The following ALG11 variants were observed in gnomAD, a reference collection of about 807,000 sequenced individuals.
ALG11 encodes the protein GDP-Man:Man(3)GlcNAc(2)-PP-Dol alpha-1,2-mannosyltransferase.
In ALG11, 26 loss-of-function variants were observed where a neutral mutation model predicts 38.8. The observed-to-expected ratio is 0.67, with a 90% CI of 0.49 to 0.93. The LOEUF is 0.93. ALG11 is among the 40% of genes least tolerant of loss of function. The pLI is 0.00. For missense variants in ALG11, 535 were observed against 578.8 expected (o/e 0.92, Z 0.78); for synonymous variants, 199 against 211.6 (o/e 0.94, Z 0.52).
At chr13:52,023,893 C>A in intron 2 of ALG11, 113 bp from the exon 3 acceptor site, 3 of 858,618 alleles carry the variant, frequency 3.5e-6, no homozygotes, top group Non-Finnish European at 3.6e-6. Context: ...CTCCTGGGTT[C>A]AAGCGATTCT....
chr13:52,031,341 C>A lies in ALG11; in HGVS notation c.*2751C>A. On this transcript the variant is annotated 3_prime_UTR_variant, in exon 4 of 4. Transcript: ENST00000521508. The stretch of plus-strand genomic sequence containing the variant: ...AAATTCTAAACAATACAGTGGATGA[C>A]CCTTTTGAATATACCTAATGATTTC... 1.7e-6 allele frequency: 1 copy of A among 588,842 alleles called. No homozygotes were observed. The highest frequency in any genetic ancestry group is 2.9e-6 in the Non-Finnish European group (1 of 347,836). 36.5% of individuals were successfully genotyped at this position (588,842 alleles called of 1,614,324 possible). A position where few individuals can be genotyped will look rare whatever the true frequency, so the allele number is the denominator to read the frequency against.
chr13:52,027,776 T>G (rs1276508801), intron 3 of ALG11, among the ~76,000 whole-genome samples: 1 of 152,266 alleles, frequency 6.6e-6, no homozygotes, highest in East Asian at 1.9e-4. Context: ...ATTCACTTTT[T>G]TATTTTTTCT....
Position 52,029,277 on chromosome 13 carries a change from T to C in ALG11, c.*687T>C, listed in dbSNP as rs1346698194. 2 of 1,614,204 alleles carry C rather than the reference T, an allele frequency of 1.2e-6. No homozygotes were observed. The highest frequency in any genetic ancestry group is 4.5e-5 in the East Asian group (2 of 44,880). On this transcript the variant is annotated 3_prime_UTR_variant, in exon 4 of 4. Transcript: ENST00000521508. The stretch of plus-strand genomic sequence containing the variant: ...AACCAGCAGGCAGAGCAGCTGGTTT[T>C]TCCCCTGGGGAAGGAGCAGCCAGCC...
chr13:52,019,216 C>CTTTTTTT (rs767701891), intron 2 of ALG11, 73 bp downstream of exon 2: 39 of 447,502 alleles, frequency 8.7e-5, no homozygotes, highest in East Asian at 2.3e-4. Flanking sequence ...AGAAATTCAT[C>CTTTTTTT]TTTTTTTTTT....
chr13:52,029,782 G>T lies in ALG11; in HGVS notation c.*1192G>T, dbSNP rs140297533. The T allele has an allele frequency of 3.1e-6, 5 of 1,614,034 alleles. No homozygotes were observed. The highest frequency in any genetic ancestry group is 4.2e-6 in the Non-Finnish European group (5 of 1,180,044). ...CTCGCCAAGCTATGCAGGAACAGTT[G>T]GCCAAGAACAAAGAACTGACACAGA... On this transcript the variant is annotated 3_prime_UTR_variant, in exon 4 of 4. Coordinates refer to ENST00000521508, the MANE Select transcript of ALG11 (RefSeq NM_001004127.3).
rs760676899 is a variant in ALG11, at chr13:52,029,597, A to G, written c.*1007A>G. The G allele has an allele frequency of 6.2e-7, 1 of 1,614,266 alleles. No individual in the cohort carries two copies. Among genetic ancestry groups the G allele is most frequent in the East Asian group, 2.2e-5 (1 of 44,882 alleles). ...GAAAGGAAAGGCCAAGAAAGCCTTA[A>G]AAGAGTTTGAGCAGCTACAGAAGGT... is the stretch of plus-strand genomic sequence containing the variant. On this transcript the variant is annotated 3_prime_UTR_variant, in exon 4 of 4. Transcript: ENST00000521508.
chr13:52,031,358 AATG>A lies in ALG11; in HGVS notation c.*2771_*2773del, dbSNP rs755281742. ...GTGGATGACCCTTTTGAATATACCT[AATG>A]ATTTCCTTAAAAAAGAAATTTTAAA... On this transcript the variant is annotated 3_prime_UTR_variant, in exon 4 of 4. Coordinates refer to ENST00000521508, the MANE Select transcript of ALG11 (RefSeq NM_001004127.3). 4 of 508,848 alleles carry A rather than the reference AATG, an allele frequency of 7.9e-6. No homozygotes were observed. The highest frequency in any genetic ancestry group is 3.9e-5 in the South Asian group (1 of 25,502). 31.5% of individuals were successfully genotyped at this position (508,848 alleles called of 1,614,324 possible). A position where few individuals can be genotyped will look rare whatever the true frequency, so the allele number is the denominator to read the frequency against.
In ALG11 at chr13:52,024,205, C is replaced by T. The variant is rs2140839121; in HGVS notation, c.475C>T (p.Leu159Phe). The T allele has an allele frequency of 6.2e-7, 1 of 1,614,104 alleles. No individual in the cohort carries two copies. Among genetic ancestry groups the T allele is most frequent in the Non-Finnish European group, 8.5e-7 (1 of 1,180,010 alleles). The change falls in exon 3 of 4, where the codon CTT (leucine) becomes TTT (phenylalanine). Residue 159 changes from leucine to phenylalanine, a missense_variant. Physicochemically the swap from Leu to Phe is conservative, Grantham distance 22 (BLOSUM62 0). Transcript: ENST00000521508. The part of the protein sequence containing the change: ...LLGQSLGSIF[L>F]GWEALMQCVP... ...GGGCCAAAGTCTAGGATCCATTTTTCTTGGCTGGGAAGCTCTAATGCAGTG... is the reference window on the plus strand; with the variant it reads ...GGGCCAAAGTCTAGGATCCATTTTTTTTGGCTGGGAAGCTCTAATGCAGTG...
chr13:52,033,441 A>T lies in ALG11; in HGVS notation c.*4851A>T, dbSNP rs1403222575. ...GATACAAAGTCTGTGTCTAAATATT[A>T]TTTAAAGAAGTGATTTTTCATTCTC... On this transcript the variant is annotated 3_prime_UTR_variant, in exon 4 of 4. Coordinates refer to ENST00000521508, the MANE Select transcript of ALG11 (RefSeq NM_001004127.3). 1 of 167,094 alleles carries T rather than the reference A, an allele frequency of 6.0e-6. No homozygotes were observed. Among genetic ancestry groups the T allele is most frequent in the Non-Finnish European group, 1.5e-5 (1 of 68,110 alleles). The allele number at this position is 167,094 out of a possible 1,614,324, so 10.4% of individuals were successfully genotyped here. A position where few individuals can be genotyped will look rare whatever the true frequency, so the allele number is the denominator to read the frequency against.
chr13:52,018,387 C>T (rs547827606), intron 1 of ALG11, among the ~76,000 whole-genome samples: 3 of 152,144 alleles, frequency 2.0e-5, no homozygotes, highest in Non-Finnish European at 4.4e-5. Flanking sequence ...AAATACAGAA[C>T]TGGAAATAGA....
Position 52,019,065 on chromosome 13 carries a change from C to T in ALG11, c.197C>T (p.Ala66Val). 6.2e-7 allele frequency: 1 copy of T among 1,614,016 alleles called. No homozygotes were observed. Among genetic ancestry groups the T allele is most frequent in the Non-Finnish European group, 8.5e-7 (1 of 1,179,986 alleles). Residue 66 changes from alanine to valine, a missense_variant, in exon 2 of 4, where the codon GCA becomes GTA. By Grantham distance (64) the Ala-to-Val change is moderately conservative. Transcript: ENST00000521508. Reference protein sequence around the residue: ...SKNGKNQMVIAFFHPYCNAGG... With the variant: ...SKNGKNQMVIVFFHPYCNAGG... ...AATGGGAAAAATCAAATGGTGATTG[C>T]ATTTTTTCATCCATACTGCAATGCT...
At position 52,024,810 on chromosome 13, in the gene ALG11, G is replaced by C. The variant is rs1416093117; in HGVS notation, c.1080G>C (p.Leu360=). 3.1e-6 allele frequency: 5 copies of C among 1,614,020 alleles called. No individual in the cohort carries two copies. Among genetic ancestry groups the C allele is most frequent in the Non-Finnish European group, 2.5e-6 (3 of 1,179,984 alleles). Residue 360 remains leucine (L), a synonymous_variant, in exon 3 of 4, where the codon CTG becomes CTC. Coordinates refer to ENST00000521508, the MANE Select transcript of ALG11 (RefSeq NM_001004127.3). ...DELRVNQLRR[L]SEDLGVQEYV... ...TTAGGGTAAACCAACTGAGAAGGCT[G>C]TCTGAGGATTTAGGAGTTCAAGAAT... is the stretch of plus-strand genomic sequence containing the variant.
rs753621680 is a variant in ALG11 at position 52,028,972 on chromosome 13, T to C, written c.*382T>C. On this transcript the variant is annotated 3_prime_UTR_variant, in exon 4 of 4. Coordinates refer to ENST00000521508, the MANE Select transcript of ALG11 (RefSeq NM_001004127.3). Reference sequence around the variant, plus strand: ...CAATCATTTCCCTTGATGGAAAGAATAGGCGGAAATTGGCTGAGAGGTCTG... The same window carrying C: ...CAATCATTTCCCTTGATGGAAAGAACAGGCGGAAATTGGCTGAGAGGTCTG... 4 of 1,614,236 alleles carry C rather than the reference T, an allele frequency of 2.5e-6. No individual in the cohort carries two copies. In the South Asian group the frequency reaches 3.3e-5, roughly 13 times the overall value.
Position 52,031,004 on chromosome 13 carries a change from G to A in ALG11, c.*2414G>A. On this transcript the variant is annotated 3_prime_UTR_variant, in exon 4 of 4. Transcript: ENST00000521508. Reference sequence around the variant, plus strand: ...CCATATCATTAAGCCCATAAAAGCAGAGGATGTGGGCTACCAGTCTTCCTC... The same window carrying A: ...CCATATCATTAAGCCCATAAAAGCAAAGGATGTGGGCTACCAGTCTTCCTC... 1 of 1,614,204 alleles carries A rather than the reference G, an allele frequency of 6.2e-7. No individual in the cohort carries two copies. Among genetic ancestry groups the A allele is most frequent in the Non-Finnish European group, 8.5e-7 (1 of 1,180,040 alleles).
chr13:52,023,897 C>T lies in ALG11; in HGVS notation c.276-109C>T, dbSNP rs967543599. 32 of 950,038 alleles carry T rather than the reference C, an allele frequency of 3.4e-5. No homozygotes were observed. The East Asian group carries it at 6.4e-4, about 19-fold the overall frequency. 58.9% of individuals were successfully genotyped at this position (950,038 alleles called of 1,614,324 possible). On this transcript the variant is annotated intron_variant, in intron 2 of 3. Coordinates refer to ENST00000521508, the MANE Select transcript of ALG11 (RefSeq NM_001004127.3). ...GCAACCTCCGCCTCCTGGGTTCAAG[C>T]GATTCTCCTGCCTCAGCCTCCTGAG...
intron 1 of ALG11, 81 bp downstream of exon 1, chr13:52,012,543 G>C (rs552971516): frequency 1.0e-5 from 16 of 1,593,742 alleles, no homozygotes; most frequent in Middle Eastern, 1.8e-4. Flanking sequence ...TAAATTTTGC[G>C]GGCAAATGGC....
At position 52,029,990 on chromosome 13, in the gene ALG11, G is replaced by C. The variant is rs754431054; in HGVS notation, c.*1400G>C. The stretch of plus-strand genomic sequence containing the variant: ...ACAGGAGGACCCTGAGCAAGTGCCA[G>C]AGCTTGCAGCTCATGAGGTTTCTGC... On this transcript the variant is annotated 3_prime_UTR_variant, in exon 4 of 4. Coordinates refer to ENST00000521508, the MANE Select transcript of ALG11 (RefSeq NM_001004127.3). 1.5e-5 allele frequency: 25 copies of C among 1,614,248 alleles called. No individual in the cohort carries two copies. In the South Asian group the frequency reaches 2.7e-4, roughly 18 times the overall value.
chr13:52,031,144 T>A lies in ALG11; in HGVS notation c.*2554T>A. On this transcript the variant is annotated 3_prime_UTR_variant, in exon 4 of 4. Transcript: ENST00000521508. Reference sequence around the variant, plus strand: ...AGAAGTGACAGTCAGGGGCCCTGATTCCACTTCCTTTGGTCCAGTTTTACT... The same window carrying A: ...AGAAGTGACAGTCAGGGGCCCTGATACCACTTCCTTTGGTCCAGTTTTACT... 1.3e-6 allele frequency: 2 copies of A among 1,567,712 alleles called. No homozygotes were observed. Among genetic ancestry groups the A allele is most frequent in the Non-Finnish European group, 1.7e-6 (2 of 1,157,512 alleles).
At position 52,024,716 on chromosome 13, in the gene ALG11, AGATGGTT is replaced by A; in HGVS notation, c.989_995del (p.Met330SerfsTer23). ...GCCTTTGCTAAATTGCTGAATAAGAAGATGGTTGAGTCACCTCCTTCGCTTAAACTTG... is the reference window on the plus strand; with the variant it reads ...GCCTTTGCTAAATTGCTGAATAAGAAGAGTCACCTCCTTCGCTTAAACTTG... On this transcript the variant is annotated frameshift_variant, in exon 3 of 4. Coordinates refer to ENST00000521508, the MANE Select transcript of ALG11 (RefSeq NM_001004127.3). LOFTEE classifies it high-confidence loss of function. The A allele has an allele frequency of 1.2e-6, 2 of 1,614,232 alleles. No homozygotes were observed. The highest frequency in any genetic ancestry group is 1.7e-6 in the Non-Finnish European group (2 of 1,180,030).
Sources: allele counts gnomAD v4.1 joint callset (sites outside exome capture counted in the v4.1 genomes callset), GRCh38; gene constraint gnomAD v4.1.1; transcripts MANE v1.5; gene names NCBI Gene and HGNC (gene_info 2026-07-23, HGNC 2026-07-21).